The following PLIN5 variants were observed in gnomAD, a reference collection of about 807,000 sequenced individuals.
PLIN5 encodes the protein perilipin 5, also known as perilipin-5.
In PLIN5, 34 loss-of-function variants were observed where a neutral mutation model predicts 32.8. The observed-to-expected ratio is 1.04, with a 90% CI of 0.79 to 1.38. The LOEUF (loss-of-function observed/expected upper bound fraction) is 1.38, where lower values mean the gene tolerates loss of function less well. PLIN5 is among the 40% of genes most tolerant of loss of function. PLIN5 has a pLI of 0.00. For missense variants in PLIN5, 712 were observed against 660.5 expected (o/e 1.08, Z -0.85); for synonymous variants, 309 against 292.9 (o/e 1.05, Z -0.56).
rs1976798145 is a variant in PLIN5, at chr19:4,525,946, G to A, written c.521-114C>T. The A allele has an allele frequency of 1.5e-6, 1 of 670,274 alleles. No individual in the cohort carries two copies. The highest frequency in any genetic ancestry group is 2.5e-6 in the Non-Finnish European group (1 of 406,532). 41.5% of individuals were successfully genotyped at this position (670,274 alleles called of 1,614,324 possible). A position where few individuals can be genotyped will look rare whatever the true frequency, so the allele number is the denominator to read the frequency against. On this transcript the variant is annotated intron_variant, in intron 5 of 7. Transcript: ENST00000381848. This position sits in a 1 kb window ranked among gnomAD's most constrained non-coding sequence, Gnocchi z 5.6. Reference sequence around the variant, plus strand: ...GGGGACAGCACGGGGACAGGATACGGGGACAGCACGGGGACAGCATGGGGT... The same window carrying A: ...GGGGACAGCACGGGGACAGGATACGAGGACAGCACGGGGACAGCATGGGGT...
chr19:4,527,608 G>C (rs1170597598), intron 5 of PLIN5, among the ~76,000 whole-genome samples: 1 of 141,474 alleles, frequency 7.1e-6, no homozygotes, highest in Non-Finnish European at 1.5e-5. Context: ...TGTAATCCCA[G>C]CACTTTGGGA....
chr19:4,531,152 C>T (rs549971529), intron 3 of PLIN5, among the ~76,000 whole-genome samples: 2 of 152,008 alleles, frequency 1.3e-5, no homozygotes, highest in East Asian at 3.9e-4. Context: ...AGTTATGTGC[C>T]ACCACACCGG....
rs1000947718 is a variant in PLIN5, at chr19:4,533,785, A to G, written c.60+230T>C. 5.1e-6 allele frequency: 3 copies of G among 585,962 alleles called. No individual in the cohort carries two copies. The African/African-American group carries it at 5.6e-5, about 11-fold the overall frequency. 36.3% of individuals were successfully genotyped at this position (585,962 alleles called of 1,614,324 possible). On this transcript the variant is annotated intron_variant, in intron 2 of 7. Transcript: ENST00000381848. ...TCAAAGGAGAGGGAAAGGGTTGGGT[A>G]GGGGCCACAGAAGCCAGCTGGGTGT...
chr19:4,527,551 A>AC (rs1423720616), intron 5 of PLIN5, among the ~76,000 whole-genome samples: 17 of 131,502 alleles, frequency 1.3e-4, no homozygotes, highest in East Asian at 1.0e-3. Context: ...AAAAAAAAAA[A>AC]AAAAAAAAAA....
chr19:4,525,823 G>A lies in PLIN5; in HGVS notation c.530C>T (p.Ala177Val), dbSNP rs377199527. 4.3e-6 allele frequency: 7 copies of A among 1,611,794 alleles called. No individual in the cohort carries two copies. The highest frequency in any genetic ancestry group is 5.9e-6 in the Non-Finnish European group (7 of 1,179,426). ...PMTEEELAAL[A>V]AEAEGPEVGS... ...CACTTCAGGGCCTTCAGCCTCAGCC[G>A]CCAGTGCCGCTGGAGGACAGGATAC... The change falls in exon 6 of 8, where the codon GCG becomes GTG. Residue 177 changes from alanine to valine, a missense_variant. Ala to Val is a moderately conservative substitution (Grantham distance 64, BLOSUM62 0). Coordinates refer to ENST00000381848, the MANE Select transcript of PLIN5 (RefSeq NM_001013706.3). The surrounding 1 kb of genome is among the most constrained non-coding windows in gnomAD (Gnocchi z 5.6).
intron 5 of PLIN5, among the ~76,000 whole-genome samples, chr19:4,526,087 A>C (rs777126865): frequency 1.3e-5 from 2 of 152,060 alleles, no homozygotes; most frequent in African/African-American, 2.4e-5. Context: ...TCTTCCCCAA[A>C]CCCTAAGATG....
At chr19:4,531,515 G>A (rs1976883728) in intron 3 of PLIN5, 112 bp downstream of exon 3, 1 of 1,123,646 alleles carries the variant, frequency 8.9e-7, no homozygotes, top group Non-Finnish European at 1.2e-6. Flanking sequence ...CAGGTGGCTA[G>A]GCTGAAGATG....
intron 7 of PLIN5, 69 bp downstream of exon 7, chr19:4,524,894 C>T (rs1331843056): frequency 1.8e-5 from 25 of 1,361,050 alleles, no homozygotes; most frequent in East Asian, 8.4e-5. Context: ...ACCCGCAGTC[C>T]GTCGCTCCCC....
rs1377735313 is a variant in PLIN5 at position 4,523,939 on chromosome 19, C to A, written c.981G>T (p.Gln327His). Residue 327 changes from glutamine to histidine, a missense_variant, in exon 8 of 8, where the codon CAG becomes CAT. Gln to His is a conservative substitution (Grantham distance 24). Coordinates refer to ENST00000381848, the MANE Select transcript of PLIN5 (RefSeq NM_001013706.3). The surrounding 1 kb of genome is among the most constrained non-coding windows in gnomAD (Gnocchi z 5.0). ...AGCAGCGGGCATCAGCGAAGGCGGT[C>A]TGCAGGGCATCCACACTGCGCCGCA... ...AEVRRSVDAL[Q>H]TAFADARCFR... 2 of 1,529,918 alleles carry A rather than the reference C, an allele frequency of 1.3e-6. No individual in the cohort carries two copies. The highest frequency in any genetic ancestry group is 1.7e-6 in the Non-Finnish European group (2 of 1,146,290). The allele number at this position is 1,529,918 out of a possible 1,614,324, so 94.8% of individuals were successfully genotyped here.
rs772652162 is a variant in PLIN5 at position 4,523,834 on chromosome 19, C to T, written c.1086G>A (p.Leu362=). The T allele has an allele frequency of 6.3e-7, 1 of 1,589,544 alleles. No homozygotes were observed. The highest frequency in any genetic ancestry group is 8.5e-7 in the Non-Finnish European group (1 of 1,175,520). Residue 362 remains leucine (L), a synonymous_variant, in exon 8 of 8, where the codon CTG becomes CTA. Transcript: ENST00000381848. This position sits in a 1 kb window ranked among gnomAD's most constrained non-coding sequence, Gnocchi z 5.0. ...GCGGCACGGCCTGCACCACCAGCTC[C>T]AGCAGCTCGTCCACGCAGGCGTGCG... ...AHAHACVDEL[L]ELVVQAVPLP...
chr19:4,534,385 T>C (rs1391730337), intron 1 of PLIN5: 2 of 375,090 alleles, frequency 5.3e-6, no homozygotes, highest in Non-Finnish European at 9.7e-6. Context: ...TTATTTTTAT[T>C]ATTTTTTTAA....
chr19:4,529,675 T>C, intron 4 of PLIN5, 109 bp downstream of exon 4: 1 of 857,942 alleles, frequency 1.2e-6, no homozygotes, highest in Non-Finnish European at 1.9e-6. Flanking sequence ...AACCTGGCTG[T>C]TTTTTCTTGA....
At position 4,525,624 on chromosome 19, in the gene PLIN5, G is replaced by T. The variant is rs777280955; in HGVS notation, c.720+9C>A. Reference sequence around the variant, plus strand: ...CATCCCGGAGCAGGGGCGGGCAGCGGGCTCTCACCAGCTCCAGCGTCTCCT... The same window carrying T: ...CATCCCGGAGCAGGGGCGGGCAGCGTGCTCTCACCAGCTCCAGCGTCTCCT... On this transcript the variant is annotated intron_variant, in intron 6 of 7. Transcript: ENST00000381848. The surrounding 1 kb of genome is among the most constrained non-coding windows in gnomAD (Gnocchi z 5.6). 2.7e-5 allele frequency: 44 copies of T among 1,611,932 alleles called. No homozygotes were observed. The highest frequency in any genetic ancestry group is 3.6e-5 in the Non-Finnish European group (43 of 1,179,970).
At chr19:4,533,795 G>T (rs990515929) in intron 2 of PLIN5, 1 of 595,626 alleles carries the variant, frequency 1.7e-6, no homozygotes, top group Non-Finnish European at 3.0e-6. Flanking sequence ...AGGGGCCACA[G>T]AAGCCAGCTG....
intron 7 of PLIN5, 75 bp from the exon 8 acceptor site, chr19:4,524,160 G>A (rs1976770032): frequency 2.2e-6 from 3 of 1,344,224 alleles, no homozygotes; most frequent in African/African-American, 3.1e-5. Flanking sequence ...TTTCTCTGAT[G>A]GACCCACAGT....
chr19:4,527,268 G>T (rs543217739), intron 5 of PLIN5, among the ~76,000 whole-genome samples: 2 of 151,784 alleles, frequency 1.3e-5, no homozygotes, highest in East Asian at 2.0e-4. Flanking sequence ...GTAGAGACGG[G>T]GTTTCACCAT....
rs1310390208 is a variant in PLIN5 at position 4,525,006 on chromosome 19, C to A, written c.791G>T (p.Gly264Val). 1 of 1,516,860 alleles carries A rather than the reference C, an allele frequency of 6.6e-7. No individual in the cohort carries two copies. The allele number at this position is 1,516,860 out of a possible 1,614,324, so 94.0% of individuals were successfully genotyped here. A position where few individuals can be genotyped will look rare whatever the true frequency, so the allele number is the denominator to read the frequency against. ...ACPGKVHELW[G>V]EWGQRPPESR... ...CTCCGGAGGGCGCTGGCCCCATTCC[C>A]CCCACAGCTCGTGCACCTTCCCAGG... The change falls in exon 7 of 8, where the codon GGG becomes GTG. Residue 264 changes from glycine to valine, a missense_variant. Transcript: ENST00000381848. This position sits in a 1 kb window ranked among gnomAD's most constrained non-coding sequence, Gnocchi z 5.6.
In PLIN5 at chr19:4,523,756, G is replaced by T; in HGVS notation, c.1164C>A (p.Pro388=). ...CCACCAGGTCCGCCAGGTCGGGCAG[G>T]GGCTCGGGTCGCTCCACAAGGATGG... is the stretch of plus-strand genomic sequence containing the variant. ...FAPILVERPE[P]LPDLADLVDE... is the part of the protein sequence containing the mutation. Residue 388 remains proline (P), a synonymous_variant, in exon 8 of 8, where the codon CCC becomes CCA. Coordinates refer to ENST00000381848, the MANE Select transcript of PLIN5 (RefSeq NM_001013706.3). The surrounding 1 kb of genome is among the most constrained non-coding windows in gnomAD (Gnocchi z 5.0). 1 of 1,599,986 alleles carries T rather than the reference G, an allele frequency of 6.3e-7. No individual in the cohort carries two copies. The highest frequency in any genetic ancestry group is 8.5e-7 in the Non-Finnish European group (1 of 1,179,482).
rs761605093 is a variant in PLIN5 at position 4,523,826 on chromosome 19, A to G, written c.1094T>C (p.Val365Ala). ...HACVDELLEL[V>A]VQAVPLPWLV... ...CCAGGGCAGCGGCACGGCCTGCACC[A>G]CCAGCTCCAGCAGCTCGTCCACGCA... The change falls in exon 8 of 8, where the codon GTG becomes GCG. Residue 365 changes from valine to alanine, a missense_variant. By Grantham distance (64) the Val-to-Ala change is moderately conservative. Coordinates refer to ENST00000381848, the MANE Select transcript of PLIN5 (RefSeq NM_001013706.3). This position sits in a 1 kb window ranked among gnomAD's most constrained non-coding sequence, Gnocchi z 5.0. 1.7e-5 allele frequency: 27 copies of G among 1,591,394 alleles called. No homozygotes were observed. Among genetic ancestry groups the G allele is most frequent in the Non-Finnish European group, 2.3e-5 (27 of 1,176,382 alleles).
Sources: allele counts gnomAD v4.1 joint callset (sites outside exome capture counted in the v4.1 genomes callset), GRCh38; gene constraint gnomAD v4.1.1; non-coding constraint Gnocchi (gnomAD v3.1); transcripts MANE v1.5; gene names NCBI Gene and HGNC (gene_info 2026-07-23, HGNC 2026-07-21).